The following SLC39A11 variants were observed in gnomAD, a reference collection of about 807,000 sequenced individuals.
SLC39A11 encodes solute carrier family 39 member 11.
Under a neutral mutation model 36.1 loss-of-function variants are expected in SLC39A11, and 33 were observed. The ratio of observed to expected loss-of-function variants is 0.91; its 90% confidence interval spans 0.69 to 1.22. The LOEUF is 1.22. SLC39A11 is among the 50% of genes most tolerant of loss of function. The pLI, the probability that SLC39A11 is intolerant of heterozygous loss-of-function variation, is 0.00. For missense variants in SLC39A11, 432 were observed against 430.3 expected (o/e 1.00, Z -0.03); for synonymous variants, 166 against 170.3 (o/e 0.97, Z 0.20).
At chr17:72,869,535 A>G (rs2080493979) in intron 5 of SLC39A11, among the ~76,000 whole-genome samples, 1 of 151,952 alleles carries the variant, frequency 6.6e-6, no homozygotes, top group Non-Finnish European at 1.5e-5. Context: ...GACTACAGGC[A>G]CCCGCCACCA....
chr17:72,783,150 C>A (rs2076386451), intron 6 of SLC39A11, among the ~76,000 whole-genome samples: 1 of 146,230 alleles, frequency 6.8e-6, no homozygotes. Context: ...AAAGCAGATT[C>A]TCACCAGAAA....
At chr17:72,831,292 G>C (rs541502522) in intron 6 of SLC39A11, among the ~76,000 whole-genome samples, 1 of 152,168 alleles carries the variant, frequency 6.6e-6, no homozygotes, top group African/African-American at 2.4e-5. Context: ...ATGAGTACAA[G>C]GCTCTGCAGC....
chr17:72,948,559 A>C (rs1413168298), intron 4 of SLC39A11, among the ~76,000 whole-genome samples: 1 of 152,224 alleles, frequency 6.6e-6, no homozygotes, highest in Non-Finnish European at 1.5e-5. Flanking sequence ...GTCTTATGAG[A>C]TCAAAAGAGG....
At chr17:73,021,877 C>T (rs1034939441) in intron 4 of SLC39A11, among the ~76,000 whole-genome samples, 1 of 152,260 alleles carries the variant, frequency 6.6e-6, no homozygotes, top group Non-Finnish European at 1.5e-5. Flanking sequence ...CCCCACCACT[C>T]TTAGACCAAG....
At chr17:72,746,791 A>T (rs990253480) in intron 6 of SLC39A11, among the ~76,000 whole-genome samples, 14 of 151,846 alleles carry the variant, frequency 9.2e-5, no homozygotes, top group African/African-American at 2.9e-4. Flanking sequence ...GTGCACCTGT[A>T]GTCCCAGCTA....
At chr17:72,807,244 T>C (rs2077286166) in intron 6 of SLC39A11, among the ~76,000 whole-genome samples, 1 of 152,228 alleles carries the variant, frequency 6.6e-6, no homozygotes, top group East Asian at 1.9e-4. Context: ...CAAATTAATT[T>C]TTCTGTCTTT....
chr17:72,774,549 C>A (rs1165125155), intron 6 of SLC39A11, among the ~76,000 whole-genome samples: 1 of 152,122 alleles, frequency 6.6e-6, no homozygotes, highest in Non-Finnish European at 1.5e-5. Context: ...CCAACAGGAC[C>A]CTGCTAACAC....
chr17:72,961,572 G>C (rs370137251), intron 4 of SLC39A11, among the ~76,000 whole-genome samples: 1 of 151,966 alleles, frequency 6.6e-6, no homozygotes, highest in African/African-American at 2.4e-5. Context: ...AAAAGGATGA[G>C]TTCATGTCCT....
intron 5 of SLC39A11, among the ~76,000 whole-genome samples, chr17:72,885,023 T>A (rs1198077500): frequency 2.6e-5 from 4 of 152,226 alleles, no homozygotes; most frequent in Non-Finnish European, 5.9e-5. Context: ...GCTGGAGCAC[T>A]TGAATGATTT....
At chr17:73,068,830 C>T (rs1449794758) in intron 3 of SLC39A11, among the ~76,000 whole-genome samples, 1 of 152,186 alleles carries the variant, frequency 6.6e-6, no homozygotes, top group African/African-American at 2.4e-5. Context: ...CAGCCTCCCC[C>T]TGTGCACACG....
intron 5 of SLC39A11, among the ~76,000 whole-genome samples, chr17:72,850,598 G>A (rs1214366895): frequency 6.6e-6 from 1 of 152,194 alleles, no homozygotes; most frequent in Non-Finnish European, 1.5e-5. Flanking sequence ...TAGAGACACA[G>A]ATGCCAGAAC....
At chr17:72,891,594 T>G (rs900344409) in intron 5 of SLC39A11, among the ~76,000 whole-genome samples, 3 of 152,068 alleles carry the variant, frequency 2.0e-5, no homozygotes, top group African/African-American at 7.2e-5. Flanking sequence ...ATGCCTTTTT[T>G]GAACATCCTA....
chr17:73,054,723 G>A (rs1043827812), intron 3 of SLC39A11, among the ~76,000 whole-genome samples: 4 of 150,090 alleles, frequency 2.7e-5, no homozygotes, highest in Non-Finnish European at 4.4e-5. Context: ...CAAGAGAATC[G>A]CTTGAACCTG....
intron 6 of SLC39A11, among the ~76,000 whole-genome samples, chr17:72,770,494 C>G (rs58069723): frequency 0.082 from 12,511 of 152,272 alleles, 1,270 homozygotes; most frequent in African/African-American, 0.23. Flanking sequence ...TCTTAGAAAT[C>G]TGCTGTGATT....
intron 7 of SLC39A11, among the ~76,000 whole-genome samples, chr17:72,732,512 C>T (rs9916101): frequency 0.043 from 6,578 of 152,216 alleles, 188 homozygotes; most frequent in African/African-American, 0.087. Context: ...ACCATCTTGG[C>T]AGTTTTGAGG....
intron 3 of SLC39A11, among the ~76,000 whole-genome samples, chr17:73,080,204 T>C (rs2060465867): frequency 6.6e-6 from 1 of 151,870 alleles, no homozygotes; most frequent in Non-Finnish European, 1.5e-5. Context: ...ACAGAACAAA[T>C]CTGGAGGCAT....
At chr17:72,874,337 A>C (rs1165856774) in intron 5 of SLC39A11, among the ~76,000 whole-genome samples, 1 of 152,142 alleles carries the variant, frequency 6.6e-6, no homozygotes, top group African/African-American at 2.4e-5. Context: ...TTCCTGCCCG[A>C]TGTAGAACTG....
At chr17:72,910,926 CAAAAAAAAAAA>C (rs199741291) in intron 5 of SLC39A11, among the ~76,000 whole-genome samples, 1 of 112,002 alleles carries the variant, frequency 8.9e-6, no homozygotes, top group Non-Finnish European at 1.8e-5. Flanking sequence ...GACTCCACCT[CAAAAAAAAAAA>C]AAAAAAAAAA....
At position 73,065,591 on chromosome 17, in the gene SLC39A11, A is replaced by G. The variant is rs577436244; in HGVS notation, c.147+19217T>C. ...CGAGCAAAAAGATTCTGAAGATATTAAGTTACTGTCAGCCATAGAATGTCA... is the reference window on the plus strand; with the variant it reads ...CGAGCAAAAAGATTCTGAAGATATTGAGTTACTGTCAGCCATAGAATGTCA... On this transcript the variant is annotated intron_variant, in intron 3 of 9. Transcript: ENST00000255559. 5.9e-5 allele frequency among the ~76,000 whole-genome samples: 9 copies of G among 152,302 alleles called. No homozygotes were observed. The South Asian group carries it at 1.9e-3, about 32-fold the overall frequency.
Sources: gnomAD v4.1 joint callset for allele counts (sites outside exome capture counted in the v4.1 genomes callset) on GRCh38, gnomAD v4.1.1 for gene constraint, MANE v1.5 for transcripts, NCBI Gene and HGNC (gene_info 2026-07-23, HGNC 2026-07-21) for gene names.